Variants in HS6ST2 observed in about 807,000 individuals in gnomAD.
HS6ST2 encodes heparan sulfate 6-O-sulfotransferase 2.
HS6ST2 carries 17 observed loss-of-function variants against 33.0 expected under a neutral mutation model. The observed-to-expected ratio is 0.52, with a 90% CI of 0.35 to 0.77. The LOEUF is 0.77. Ranked by LOEUF, HS6ST2 falls within the 30% of genes least tolerant of loss-of-function variation. The pLI, the probability that HS6ST2 is intolerant of heterozygous loss-of-function variation, is 0.01. For missense variants in HS6ST2, 519 were observed against 551.7 expected (o/e 0.94, Z 0.59); for synonymous variants, 248 against 237.1 (o/e 1.05, Z -0.42).
At position 132,650,515 on chromosome X, in the gene HS6ST2, C is replaced by A. The variant is rs181372134; in HGVS notation, c.1067+18598G>T. Among the ~76,000 whole-genome samples, 18 of 111,205 alleles carry A rather than the reference C, an allele frequency of 1.6e-4. No homozygotes were observed. In the East Asian group the frequency reaches 4.8e-3, roughly 30 times the overall value. Reference sequence around the variant, plus strand: ...AATCCTTGTGCTTTGCCTTTAATATCTTTGCTTTCATATTTATTTTTAAAC... The same window carrying A: ...AATCCTTGTGCTTTGCCTTTAATATATTTGCTTTCATATTTATTTTTAAAC... On this transcript the variant is annotated intron_variant, in intron 4 of 4. Coordinates refer to ENST00000370833, the MANE Select transcript of HS6ST2 (RefSeq NM_001394073.1).
Position 132,790,502 on chromosome X carries a change from C to T in HS6ST2, c.948-82008G>A, listed in dbSNP as rs1331158921. 4.5e-5 allele frequency among the ~76,000 whole-genome samples: 5 copies of T among 111,582 alleles called. No individual in the cohort carries two copies. The East Asian group carries it at 1.4e-3, about 31-fold the overall frequency. ...TTGTGGGGTGGTCTGGAACGAAACC[C>T]GCAGTATCTCTAAGATATGCCTGTA... On this transcript the variant is annotated intron_variant, in intron 2 of 4. Coordinates refer to ENST00000370833, the MANE Select transcript of HS6ST2 (RefSeq NM_001394073.1).
intron 2 of HS6ST2, among the ~76,000 whole-genome samples, chrX:132,919,934 A>C (rs1231212695): frequency 1.8e-5 from 2 of 112,142 alleles, no homozygotes; most frequent in Non-Finnish European, 3.8e-5. Flanking sequence ...TGTAAGCATT[A>C]GTCAGCGTAC....
intron 2 of HS6ST2, among the ~76,000 whole-genome samples, chrX:132,903,667 G>T (rs1015617566): frequency 1.8e-5 from 2 of 111,828 alleles, no homozygotes; most frequent in African/African-American, 6.5e-5. Context: ...AATCCAGTGA[G>T]AAAATAATAG....
chrX:132,767,314 G>T lies in HS6ST2; in HGVS notation c.948-58820C>A, dbSNP rs192626957. Among the ~76,000 whole-genome samples, 6 of 112,022 alleles carry T rather than the reference G, an allele frequency of 5.4e-5. No homozygotes were observed. In the East Asian group the frequency reaches 1.7e-3, roughly 32 times the overall value. On this transcript the variant is annotated intron_variant, in intron 2 of 4. Transcript: ENST00000370833. ...GCTCACTGTAGCCTCGACTTCCAGT[G>T]CTCAAGCAATCCTCCCACCTCAGCA... is the stretch of plus-strand genomic sequence containing the variant.
intron 3 of HS6ST2, among the ~76,000 whole-genome samples, chrX:132,682,156 A>C (rs1162270535): frequency 8.9e-6 from 1 of 112,366 alleles, no homozygotes; most frequent in African/African-American, 3.2e-5. Flanking sequence ...TGACACTGTC[A>C]AGGAAGAGAT....
intron 2 of HS6ST2, among the ~76,000 whole-genome samples, chrX:132,775,193 C>T (rs1472092705): frequency 3.6e-5 from 4 of 111,693 alleles, no homozygotes; most frequent in Non-Finnish European, 3.8e-5. Flanking sequence ...CCTATAGACA[C>T]CACGCTAGTT....
At chrX:132,898,152 G>A (rs2148458527) in intron 2 of HS6ST2, among the ~76,000 whole-genome samples, 1 of 109,653 alleles carries the variant, frequency 9.1e-6, no homozygotes, top group South Asian at 4.0e-4. Context: ...ATCTGAGGTG[G>A]AACAGTTTCA....
At chrX:132,805,909 G>T (rs1307608089) in intron 2 of HS6ST2, among the ~76,000 whole-genome samples, 2 of 110,556 alleles carry the variant, frequency 1.8e-5, no homozygotes, top group Admixed American at 1.9e-4. Flanking sequence ...CCTTCAAACA[G>T]GATATTGTAT....
Position 132,628,561 on chromosome X carries a change from G to A in HS6ST2, c.1600C>T (p.Leu534Phe). The change falls in exon 5 of 5, where the codon CTT (leucine) becomes TTT (phenylalanine). Residue 534 changes from leucine to phenylalanine, a missense_variant. Transcript: ENST00000370833. ...DMELYSYAKD[L>F]FLQRYQFMRQ... ...ATAAACTGATACCTCTGCAAAAAAA[G>A]GTCTTTGGCATAGCTGTACAACTCC... The A allele has an allele frequency of 8.3e-7, 1 of 1,211,010 alleles. No homozygotes were observed. Among genetic ancestry groups the A allele is most frequent in the Non-Finnish European group, 1.1e-6 (1 of 895,143 alleles).
chrX:132,875,844 T>C (rs1391627988), intron 2 of HS6ST2, among the ~76,000 whole-genome samples: 3 of 110,353 alleles, frequency 2.7e-5, no homozygotes, highest in Admixed American at 9.7e-5. Flanking sequence ...GTGGAGAAAG[T>C]GAAGGGACAC....
At chrX:132,794,105 T>C (rs1407761683) in intron 2 of HS6ST2, among the ~76,000 whole-genome samples, 1 of 112,593 alleles carries the variant, frequency 8.9e-6, no homozygotes, top group Non-Finnish European at 1.9e-5. Context: ...GATAAATAAA[T>C]TTGAATGCAA....
intron 2 of HS6ST2, among the ~76,000 whole-genome samples, chrX:132,785,715 C>A (rs2065055307): frequency 1.8e-5 from 2 of 112,097 alleles, no homozygotes; most frequent in African/African-American, 6.5e-5. Context: ...GGCAGACCAG[C>A]CCCAAAACTA....
chrX:132,787,178 TATATATATAC>T lies in HS6ST2; in HGVS notation c.948-78694_948-78685del, dbSNP rs1487714351. On this transcript the variant is annotated intron_variant, in intron 2 of 4. Coordinates refer to ENST00000370833, the MANE Select transcript of HS6ST2 (RefSeq NM_001394073.1). ...GTGTATATATATATGTATATATATA[TATATATATAC>T]ATATATATATACACATATATATATA... Among the ~76,000 whole-genome samples the T allele has an allele frequency of 3.0e-3, 245 of 80,952 alleles. 11 individuals are homozygous for T. Among genetic ancestry groups the T allele is most frequent in the African/African-American group, 0.011 (214 of 19,023 alleles). The allele number at this position is 80,952 out of a possible 115,157, so 70.3% of individuals were successfully genotyped here. A position where few individuals can be genotyped will look rare whatever the true frequency, so the allele number is the denominator to read the frequency against.
intron 4 of HS6ST2, among the ~76,000 whole-genome samples, chrX:132,638,679 G>C (rs981370080): frequency 8.9e-6 from 1 of 112,005 alleles, no homozygotes; most frequent in Non-Finnish European, 1.9e-5. Flanking sequence ...TTCATGCTGT[G>C]GGCTGCTGAC....
intron 2 of HS6ST2, among the ~76,000 whole-genome samples, chrX:132,881,644 C>G (rs1365726341): frequency 9.0e-6 from 1 of 111,654 alleles, no homozygotes; most frequent in Non-Finnish European, 1.9e-5. Context: ...TCCCATTTGT[C>G]AATTTTGGCT....
chrX:132,723,170 T>C (rs896557507), intron 2 of HS6ST2, among the ~76,000 whole-genome samples: 2 of 111,311 alleles, frequency 1.8e-5, no homozygotes, highest in Non-Finnish European at 3.8e-5. Context: ...AGTCATGAGA[T>C]CAAAGCTGTA....
chrX:132,833,761 CTT>C (rs1238291305), intron 2 of HS6ST2, among the ~76,000 whole-genome samples: 1 of 98,133 alleles, frequency 1.0e-5, no homozygotes, highest in Admixed American at 1.1e-4. Flanking sequence ...ACGGCCAGAT[CTT>C]TTTTTTTTTT....
chrX:132,668,992 G>A, intron 4 of HS6ST2, 121 bp downstream of exon 4: 1 of 469,178 alleles, frequency 2.1e-6, no homozygotes, highest in Non-Finnish European at 3.8e-6. Flanking sequence ...AGCCCAGTGG[G>A]AGGCACACAG....
intron 2 of HS6ST2, among the ~76,000 whole-genome samples, chrX:132,768,123 G>T (rs2064865665): frequency 9.1e-6 from 1 of 110,198 alleles, no homozygotes; most frequent in South Asian, 4.0e-4. Flanking sequence ...GATCACTTGG[G>T]GTCAGGAGTT....
Sources: gnomAD v4.1 joint callset for allele counts (sites outside exome capture counted in the v4.1 genomes callset) on GRCh38, gnomAD v4.1.1 for gene constraint, MANE v1.5 for transcripts, NCBI Gene and HGNC (gene_info 2026-07-23, HGNC 2026-07-21) for gene names.